The following RBFOX1 variants were observed in gnomAD, a reference collection of about 807,000 sequenced individuals.
RBFOX1 encodes the protein RNA binding protein fox-1 homolog 1.
RBFOX1 carries 8 observed loss-of-function variants against 57.7 expected under a neutral mutation model. The observed-to-expected ratio is 0.14, with a 90% CI of 0.08 to 0.25. The LOEUF (loss-of-function observed/expected upper bound fraction) is 0.25, where lower values mean the gene tolerates loss of function less well. Ranked by LOEUF, RBFOX1 falls within the 10% of genes least tolerant of loss-of-function variation. RBFOX1 has a pLI of 1.00. For synonymous variants in RBFOX1, 326 were observed against 222.4 expected, an observed-to-expected ratio of 1.47 and a Z score of -4.15; for missense variants, 611 against 548.5, an observed-to-expected ratio of 1.11 and a Z score of -1.14.
chr16:5,963,915 G>A (rs908295276), intron 4 of RBFOX1, among the ~76,000 whole-genome samples: 1 of 152,188 alleles, frequency 6.6e-6, no homozygotes, highest in Non-Finnish European at 1.5e-5. Flanking sequence ...TTACGTGAGA[G>A]CAGAAAGTTT....
rs147352987 is a variant in RBFOX1 at position 6,784,994 on chromosome 16, G to T, written c.-16+130344G>T. Among the ~76,000 whole-genome samples the T allele has an allele frequency of 3.6e-3, 553 of 152,030 alleles. 6 individuals carry two copies. Among genetic ancestry groups the T allele is most frequent in the African/African-American group, 0.012 (501 of 41,460 alleles). ...TCTTTCTTCCTTGGGTAAACTCATG[G>T]TTGGCATTGACATTGATTTGTTGCA... On this transcript the variant is annotated intron_variant, in intron 3 of 15. Transcript: ENST00000550418.
chr16:6,474,507 G>A (rs150594880), intron 2 of RBFOX1, among the ~76,000 whole-genome samples: 218 of 152,278 alleles, frequency 1.4e-3, no homozygotes, highest in Middle Eastern at 6.8e-3. Context: ...GACAAAATGG[G>A]CAGCCACCAG....
intron 4 of RBFOX1, among the ~76,000 whole-genome samples, chr16:7,433,380 G>A (rs983087014): frequency 2.0e-5 from 3 of 152,140 alleles, no homozygotes; most frequent in Admixed American, 6.5e-5. Flanking sequence ...TCCTCCCCAC[G>A]TCATCATAGA....
Position 7,431,519 on chromosome 16 carries a change from C to T in RBFOX1, c.28-86628C>T, listed in dbSNP as rs143635023. Among the ~76,000 whole-genome samples, 69 of 152,198 alleles carry T rather than the reference C, an allele frequency of 4.5e-4. No homozygotes were observed. In the East Asian group the frequency reaches 0.011, roughly 24 times the overall value. ...GCCTCCCAAAGTGTGGGATTATGGG[C>T]GTGAGCCACCGCGCCACTGTGCCCG... On this transcript the variant is annotated intron_variant, in intron 4 of 15. Transcript: ENST00000550418.
intron 3 of RBFOX1, among the ~76,000 whole-genome samples, chr16:5,702,143 G>C (rs1452837648): frequency 1.3e-5 from 2 of 152,194 alleles, no homozygotes; most frequent in African/African-American, 4.8e-5. Flanking sequence ...AACTACCTGA[G>C]ACTGGGTAAT....
chr16:5,292,424 T>C (rs1303210834), intron 1 of RBFOX1, among the ~76,000 whole-genome samples: 1 of 152,238 alleles, frequency 6.6e-6, no homozygotes, highest in Non-Finnish European at 1.5e-5. Context: ...TTAATGTTGC[T>C]GTGGAAAGCC....
intron 4 of RBFOX1, among the ~76,000 whole-genome samples, chr16:5,998,482 C>A (rs574668453): frequency 6.6e-6 from 1 of 152,202 alleles, no homozygotes; most frequent in African/African-American, 2.4e-5. Flanking sequence ...GAAGAGGCTT[C>A]GGACATTTCT....
chr16:7,582,836 T>TTAAA (rs1047186566), intron 6 of RBFOX1, among the ~76,000 whole-genome samples: 1 of 152,172 alleles, frequency 6.6e-6, no homozygotes, highest in African/African-American at 2.4e-5. Flanking sequence ...TTGTCTCTTG[T>TTAAA]TAAATATAGG....
rs1469687363 is a variant in RBFOX1, at chr16:7,075,956, C to G, written c.27+23858C>G. Among the ~76,000 whole-genome samples, 3 of 151,956 alleles carry G rather than the reference C, an allele frequency of 2.0e-5. No individual in the cohort carries two copies. The East Asian group carries it at 5.8e-4, about 29-fold the overall frequency. On this transcript the variant is annotated intron_variant, in intron 4 of 15. Transcript: ENST00000550418. ...CTTTATTTGAATGAGGCATACTACA[C>G]TTTGCCACCGTCCTTGCACTTCCCT... is the stretch of plus-strand genomic sequence containing the variant.
chr16:7,489,322 C>G (rs527414839), intron 4 of RBFOX1, among the ~76,000 whole-genome samples: 1 of 152,094 alleles, frequency 6.6e-6, no homozygotes, highest in African/African-American at 2.4e-5. Flanking sequence ...CCTGAGGTAC[C>G]TTTTGGCAAG....
chr16:7,668,113 A>G (rs2070023762), intron 13 of RBFOX1, among the ~76,000 whole-genome samples: 1 of 151,990 alleles, frequency 6.6e-6, no homozygotes, highest in East Asian at 1.9e-4. Context: ...CAGGTCAACA[A>G]CTCAACAGCT....
At chr16:7,120,038 CATAAA>C (rs142168634) in intron 4 of RBFOX1, among the ~76,000 whole-genome samples, 39,922 of 151,712 alleles carry the variant, frequency 0.26, 6,029 homozygotes, top group Admixed American at 0.37. Context: ...AAATCAGTAA[CATAAA>C]ATAAACTGGA....
chr16:5,791,122 T>C (rs1043967747), intron 3 of RBFOX1, among the ~76,000 whole-genome samples: 13 of 152,030 alleles, frequency 8.6e-5, no homozygotes, highest in Admixed American at 7.9e-4. Context: ...CCTGCGTTGG[T>C]CTCCTAAAGT....
intron 2 of RBFOX1, among the ~76,000 whole-genome samples, chr16:5,569,015 A>ATT (rs34247073): frequency 7.2e-6 from 1 of 139,504 alleles, no homozygotes; most frequent in Non-Finnish European, 1.6e-5. Context: ...TAATTTTTGT[A>ATT]TTTTTTTTTT....
intron 11 of RBFOX1, among the ~76,000 whole-genome samples, chr16:7,631,898 A>C (rs2061023665): frequency 6.6e-6 from 1 of 152,180 alleles, no homozygotes; most frequent in African/African-American, 2.4e-5. Context: ...GAGGTCTGAC[A>C]GCCAGTTGTT....
intron 4 of RBFOX1, among the ~76,000 whole-genome samples, chr16:5,908,123 C>CATATATACACAT (rs2058511027): frequency 2.3e-5 from 3 of 128,522 alleles, no homozygotes; most frequent in African/African-American, 9.1e-5. Flanking sequence ...CATATATACA[C>CATATATACACAT]ATATATATAT....
At chr16:7,148,713 C>T (rs1270724718) in intron 4 of RBFOX1, among the ~76,000 whole-genome samples, 1 of 152,200 alleles carries the variant, frequency 6.6e-6, no homozygotes, top group East Asian at 1.9e-4. Flanking sequence ...GTTGAATGAT[C>T]TCAAAATGAG....
intron 2 of RBFOX1, among the ~76,000 whole-genome samples, chr16:5,544,511 C>G (rs1316062459): frequency 6.6e-6 from 1 of 151,514 alleles, no homozygotes; most frequent in African/African-American, 2.4e-5. Context: ...AAAATCAACA[C>G]AAAGTAAGCA....
chr16:7,217,934 G>A (rs1450101201), intron 4 of RBFOX1, among the ~76,000 whole-genome samples: 3 of 151,336 alleles, frequency 2.0e-5, no homozygotes, highest in South Asian at 2.1e-4. Context: ...AGGTGTGTGC[G>A]TGCATGTGTG....
Sources: allele counts gnomAD v4.1 joint callset (sites outside exome capture counted in the v4.1 genomes callset), GRCh38; gene constraint gnomAD v4.1.1; transcripts MANE v1.5; gene names NCBI Gene and HGNC (gene_info 2026-07-23, HGNC 2026-07-21).